Variants in COLEC10 observed in about 807,000 individuals in gnomAD.
COLEC10 encodes the protein collectin-10.
Under a neutral mutation model 28.4 loss-of-function variants are expected in COLEC10, and 22 were observed. The ratio of observed to expected loss-of-function variants is 0.78; its 90% confidence interval spans 0.55 to 1.11. COLEC10 has a LOEUF of 1.11. Ranked by LOEUF, COLEC10 falls within the 50% of genes least tolerant of loss-of-function variation. The pLI is 0.00. For synonymous variants in COLEC10, 125 were observed against 116.1 expected (o/e 1.08, Z -0.49); for missense variants, 361 against 344.1 (o/e 1.05, Z -0.39).
intron 3 of COLEC10, among the ~76,000 whole-genome samples, chr8:119,097,507 A>G (rs1354901325): frequency 1.3e-5 from 2 of 152,096 alleles, no homozygotes; most frequent in Non-Finnish European, 2.9e-5. Context: ...GTAATGTGCA[A>G]TTGACCTACT....
At chr8:119,002,405 G>T (rs1813718675) in intron 1 of COLEC10, among the ~76,000 whole-genome samples, 1 of 151,904 alleles carries the variant, frequency 6.6e-6, no homozygotes, top group African/African-American at 2.4e-5. Context: ...TAAAAGCTAG[G>T]TTTCATTTTA....
intron 2 of COLEC10, among the ~76,000 whole-genome samples, chr8:119,018,543 C>G (rs1038630821): frequency 6.6e-6 from 1 of 152,148 alleles, no homozygotes; most frequent in Non-Finnish European, 1.5e-5. Context: ...TAAACTGATG[C>G]CTGCTTTGAC....
chr8:119,013,179 T>C (rs1813930834), intron 2 of COLEC10, among the ~76,000 whole-genome samples: 1 of 150,678 alleles, frequency 6.6e-6, no homozygotes, highest in Non-Finnish European at 1.5e-5. Context: ...TTTCATTTAA[T>C]TTAAAATATT....
chr8:118,958,855 T>G, the COLEC10 span, among the ~76,000 whole-genome samples: 1 of 152,234 alleles, frequency 6.6e-6, no homozygotes, highest in Non-Finnish European at 1.5e-5. Flanking sequence ...TCCTCACTAG[T>G]GCATCATTAT....
chr8:119,069,617 AAAAAAAAAAAAAATATATATATATAT>A (rs1307847973), intron 1 of COLEC10, among the ~76,000 whole-genome samples: 1 of 62,402 alleles, frequency 1.6e-5, no homozygotes, highest in African/African-American at 7.2e-5. Context: ...AAAAAAAAAA[AAAAAAAAAAAAAATATATATATATAT>A]ATATATATAT....
rs775538658 is a variant in COLEC10 at position 119,108,351 on chromosome 8, A to G, written c.*2160A>G. ...ACGGGCAACTTCATGTTAAGGATCCATGTTCTGATTTGTTCTAAGCCCCCA... is the reference window on the plus strand; with the variant it reads ...ACGGGCAACTTCATGTTAAGGATCCGTGTTCTGATTTGTTCTAAGCCCCCA... On this transcript the variant is annotated 3_prime_UTR_variant, in exon 6 of 6. Coordinates refer to ENST00000332843, the MANE Select transcript of COLEC10 (RefSeq NM_006438.5). 6.6e-6 allele frequency among the ~76,000 whole-genome samples: 1 copy of G among 152,186 alleles called. No homozygotes were observed. Among genetic ancestry groups the G allele is most frequent in the African/African-American group, 2.4e-5 (1 of 41,442 alleles).
intron 1 of COLEC10, among the ~76,000 whole-genome samples, chr8:119,086,686 G>A (rs1383813620): frequency 6.6e-6 from 1 of 152,154 alleles, no homozygotes; most frequent in Non-Finnish European, 1.5e-5. Context: ...AAAACAAATG[G>A]GAAAGCTTAT....
chr8:119,107,638 C>T lies in COLEC10; in HGVS notation c.*1447C>T, dbSNP rs1435224638. Among the ~76,000 whole-genome samples, 1 of 152,080 alleles carries T rather than the reference C, an allele frequency of 6.6e-6. No individual in the cohort carries two copies. Among genetic ancestry groups the T allele is most frequent in the East Asian group, 1.9e-4 (1 of 5,172 alleles). ...GTTATTTCTGTGGGTTCAACAAGGG[C>T]CATAAACTCAGATCCTACAGGGGCC... On this transcript the variant is annotated 3_prime_UTR_variant, in exon 6 of 6. Transcript: ENST00000332843.
At chr8:119,047,499 A>C (rs1814606558) in intron 2 of COLEC10, among the ~76,000 whole-genome samples, 1 of 152,204 alleles carries the variant, frequency 6.6e-6, no homozygotes, top group African/African-American at 2.4e-5. Context: ...TGGTGCACTG[A>C]CAAGGAAGCT....
At chr8:118,989,437 T>G in the COLEC10 span, among the ~76,000 whole-genome samples, 1 of 151,698 alleles carries the variant, frequency 6.6e-6, no homozygotes, top group Admixed American at 6.6e-5. Context: ...GCAAAAACCA[T>G]GCTCAAGTGT....
At chr8:119,071,668 T>G (rs1300178050) in intron 1 of COLEC10, among the ~76,000 whole-genome samples, 3 of 152,194 alleles carry the variant, frequency 2.0e-5, no homozygotes, top group South Asian at 2.1e-4. Context: ...TATTGATGCA[T>G]GTAGAATCAG....
chr8:119,019,761 C>T (rs540584156), intron 2 of COLEC10, among the ~76,000 whole-genome samples: 7 of 152,198 alleles, frequency 4.6e-5, no homozygotes, highest in South Asian at 2.1e-4. Flanking sequence ...CAGGAATTGC[C>T]GTCTCATATG....
At chr8:119,011,785 A>G (rs1813904090) in intron 2 of COLEC10, among the ~76,000 whole-genome samples, 1 of 150,812 alleles carries the variant, frequency 6.6e-6, no homozygotes, top group African/African-American at 2.5e-5. Flanking sequence ...AAACTGATTG[A>G]CTTTTGTGCA....
At chr8:119,053,686 T>TGGC (rs1563728856) in intron 2 of COLEC10, among the ~76,000 whole-genome samples, 1 of 150,054 alleles carries the variant, frequency 6.7e-6, no homozygotes, top group East Asian at 2.0e-4. Context: ...AAAAAAAAGG[T>TGGC]GGGGGGGGCT....
the COLEC10 span, among the ~76,000 whole-genome samples, chr8:118,967,726 G>A: frequency 6.6e-6 from 1 of 152,026 alleles, no homozygotes; most frequent in Non-Finnish European, 1.5e-5. Flanking sequence ...ATTTTGTTTA[G>A]TAGCTGGAAC....
chr8:119,035,721 A>G (rs1173270387), intron 2 of COLEC10, among the ~76,000 whole-genome samples: 1 of 152,182 alleles, frequency 6.6e-6, no homozygotes, highest in Admixed American at 6.5e-5. Flanking sequence ...GTTAGTTGAC[A>G]ATTACATGGT....
the COLEC10 span, among the ~76,000 whole-genome samples, chr8:118,979,313 C>T: frequency 3.3e-5 from 5 of 151,942 alleles, no homozygotes; most frequent in African/African-American, 1.2e-4. Flanking sequence ...TATTTGTTCT[C>T]TCTACTTTTT....
upstream of COLEC10, among the ~76,000 whole-genome samples, chr8:118,993,695 T>C (rs1305317534): frequency 6.6e-6 from 1 of 152,176 alleles, no homozygotes; most frequent in African/African-American, 2.4e-5. Flanking sequence ...TAATTGTCTC[T>C]TCCTATAAAG....
chr8:119,091,313 C>T (rs920848657), intron 3 of COLEC10, 93 bp downstream of exon 3: 11 of 890,638 alleles, frequency 1.2e-5, no homozygotes, highest in Non-Finnish European at 1.8e-5. Flanking sequence ...ACTCAGAGAC[C>T]GAGGTGGGAG....
Sources: allele counts gnomAD v4.1 joint callset (sites outside exome capture counted in the v4.1 genomes callset), GRCh38; gene constraint gnomAD v4.1.1; transcripts MANE v1.5; gene names NCBI Gene and HGNC (gene_info 2026-07-23, HGNC 2026-07-21).